NAV2: variants seen among roughly 807,000 people sequenced by gnomAD.
The protein encoded by NAV2 is neuron navigator 2.
NAV2 carries 54 observed loss-of-function variants against 223.2 expected under a neutral mutation model. The observed-to-expected ratio is 0.24, with a 90% CI of 0.19 to 0.30. NAV2 has a LOEUF of 0.30. NAV2 is among the 10% of genes least tolerant of loss of function. The pLI, the probability that NAV2 is intolerant of heterozygous loss-of-function variation, is 1.00. For synonymous variants in NAV2, 1,279 were observed against 1,239.3 expected (o/e 1.03, Z -0.67); for missense variants, 2,806 against 3,147.5 (o/e 0.89, Z 2.60).
intron 1 of NAV2, among the ~76,000 whole-genome samples, chr11:19,549,856 G>A (rs1178286927): frequency 6.6e-6 from 1 of 152,240 alleles, no homozygotes; most frequent in Non-Finnish European, 1.5e-5. Context: ...CGTTAGTCTG[G>A]TAAGAATCTG....
rs111634566 is a variant in NAV2 at position 19,566,776 on chromosome 11, T to C, written c.75+215749T>C. ...GTTGTGAAGATACTTACATATGCTC[T>C]GTCCAGCATCCAGGGAAACTAAGGT... is the stretch of plus-strand genomic sequence containing the variant. On this transcript the variant is annotated intron_variant, in intron 1 of 37. Transcript: ENST00000360655. 2.5e-3 allele frequency among the ~76,000 whole-genome samples: 381 copies of C among 152,330 alleles called. 2 individuals carry two copies. The highest frequency in any genetic ancestry group is 8.9e-3 in the African/African-American group (369 of 41,568).
At chr11:19,629,974 G>A (rs2047298948) in intron 1 of NAV2, among the ~76,000 whole-genome samples, 1 of 152,016 alleles carries the variant, frequency 6.6e-6, no homozygotes, top group South Asian at 2.1e-4. Flanking sequence ...CCAAAATTCT[G>A]TACCCTCTGA....
At chr11:19,724,613 A>G (rs775614483) in intron 1 of NAV2, among the ~76,000 whole-genome samples, 3 of 152,238 alleles carry the variant, frequency 2.0e-5, no homozygotes, top group Non-Finnish European at 2.9e-5. Flanking sequence ...AAGTGTGGCA[A>G]TAGGCCAACA....
rs72906437 is a variant in NAV2, at chr11:20,030,412, G to A, written c.2769-5547G>A. 9.5e-4 allele frequency among the ~76,000 whole-genome samples: 145 copies of A among 152,154 alleles called. No individual in the cohort carries two copies. In the Middle Eastern group the frequency reaches 0.02, roughly 21 times the overall value. On this transcript the variant is annotated intron_variant, in intron 11 of 37. Transcript: ENST00000349880. ...GTTAACTAGGATTTAATATTTAATCGAAGTTTTCCGTTTTTTATCTAGATT... is the reference window on the plus strand; with the variant it reads ...GTTAACTAGGATTTAATATTTAATCAAAGTTTTCCGTTTTTTATCTAGATT...
At chr11:19,879,398 A>G (rs2063055954) in intron 4 of NAV2, among the ~76,000 whole-genome samples, 1 of 152,152 alleles carries the variant, frequency 6.6e-6, no homozygotes, top group African/African-American at 2.4e-5. Context: ...CACGTATTTG[A>G]GAGTAGGACG....
At chr11:20,085,925 G>A (rs2060409868) in intron 26 of NAV2, among the ~76,000 whole-genome samples, 1 of 152,158 alleles carries the variant, frequency 6.6e-6, no homozygotes, top group South Asian at 2.1e-4. Context: ...GAGGAAATGG[G>A]CTTTGGTGAA....
intron 1 of NAV2, among the ~76,000 whole-genome samples, chr11:19,579,710 T>C (rs1166933709): frequency 6.6e-6 from 1 of 152,224 alleles, no homozygotes; most frequent in East Asian, 1.9e-4. Context: ...TAAGTGTACA[T>C]AGTAAGCACC....
At chr11:19,532,874 G>A (rs1025785163) in intron 1 of NAV2, among the ~76,000 whole-genome samples, 1 of 152,178 alleles carries the variant, frequency 6.6e-6, no homozygotes, top group Non-Finnish European at 1.5e-5. Context: ...GAGTGTTCCT[G>A]CAAAAAGGTC....
intron 1 of NAV2, among the ~76,000 whole-genome samples, chr11:19,532,001 A>G (rs376342181): frequency 5.3e-5 from 8 of 152,202 alleles, no homozygotes; most frequent in African/African-American, 1.7e-4. Context: ...GTGATAGAGG[A>G]TAAAGAGAAA....
intron 1 of NAV2, among the ~76,000 whole-genome samples, chr11:19,466,479 G>A (rs541036437): frequency 3.3e-5 from 5 of 152,222 alleles, no homozygotes; most frequent in Non-Finnish European, 7.3e-5. Context: ...AAAGCCAGCT[G>A]CTGCTCAGAG....
chr11:19,520,805 T>C (rs2632059), intron 1 of NAV2, among the ~76,000 whole-genome samples: 62,835 of 152,090 alleles, frequency 0.41, 13,363 homozygotes, highest in African/African-American at 0.49. Context: ...GGTGCTCTGC[T>C]GGTCTCAGTC....
intron 1 of NAV2, among the ~76,000 whole-genome samples, chr11:19,702,875 A>T (rs916805771): frequency 2.3e-4 from 35 of 150,026 alleles, no homozygotes; most frequent in East Asian, 1.2e-3. Flanking sequence ...ATTTATTTGA[A>T]AAAAAAGGAA....
chr11:19,924,295 T>TA (rs76734395), intron 6 of NAV2, among the ~76,000 whole-genome samples: 1,804 of 129,442 alleles, frequency 0.014, 15 homozygotes, highest in Middle Eastern at 0.033. Flanking sequence ...GGTAATTCTT[T>TA]AAAAAAAAAA....
intron 1 of NAV2, among the ~76,000 whole-genome samples, chr11:19,828,606 A>G (rs1378213614): frequency 6.6e-6 from 1 of 152,220 alleles, no homozygotes; most frequent in Non-Finnish European, 1.5e-5. Flanking sequence ...CCCCCACGTC[A>G]GCCTCCTCAG....
At position 19,577,342 on chromosome 11, in the gene NAV2, G is replaced by A. The variant is rs1209412709; in HGVS notation, c.75+226315G>A. On this transcript the variant is annotated intron_variant, in intron 1 of 37. Transcript: ENST00000360655. ...ACCTGTCCTCAGATACCCACCTGGCGAAGGAACCTGTTGGCTCGTGCCCCT... is the reference window on the plus strand; with the variant it reads ...ACCTGTCCTCAGATACCCACCTGGCAAAGGAACCTGTTGGCTCGTGCCCCT... Among the ~76,000 whole-genome samples the A allele has an allele frequency of 3.3e-5, 5 of 152,202 alleles. No homozygotes were observed. In the South Asian group the frequency reaches 6.2e-4, roughly 19 times the overall value.
At chr11:19,449,910 TGGTGAGAACTAACCA>T (rs1851731883) in intron 1 of NAV2, among the ~76,000 whole-genome samples, 2 of 151,914 alleles carry the variant, frequency 1.3e-5, no homozygotes, top group South Asian at 4.2e-4. Flanking sequence ...CATTCGGTTA[TGGTGAGAACTAACCA>T]GACATCCATA....
At chr11:19,737,316 CTA>C (rs2052410046) in intron 1 of NAV2, among the ~76,000 whole-genome samples, 1 of 152,198 alleles carries the variant, frequency 6.6e-6, no homozygotes, top group African/African-American at 2.4e-5. Flanking sequence ...TATACACCGT[CTA>C]TATACCAGTT....
rs755749611 is a variant in NAV2 at position 19,852,405 on chromosome 11, G to A, written c.438+9482G>A. On this transcript the variant is annotated intron_variant, in intron 3 of 37. Transcript: ENST00000349880. ...TGCTGCATCAGTACATTCAGAGCAC[G>A]TCACTGTAGGGAAGCATGTGGAGGA... 3.6e-4 allele frequency among the ~76,000 whole-genome samples: 55 copies of A among 152,184 alleles called. 2 individuals are homozygous for A. Among genetic ancestry groups the A allele is most frequent in the Non-Finnish European group, 2.2e-4 (15 of 68,032 alleles).
intron 1 of NAV2, among the ~76,000 whole-genome samples, chr11:19,589,240 A>T (rs747016570): frequency 1.1e-4 from 17 of 152,174 alleles, no homozygotes; most frequent in Admixed American, 3.3e-4. Context: ...CAAACAAAAA[A>T]CCAACCAACC....
Sources: gnomAD v4.1 joint callset for allele counts (sites outside exome capture counted in the v4.1 genomes callset) on GRCh38, gnomAD v4.1.1 for gene constraint, MANE v1.5 for transcripts, NCBI Gene and HGNC (gene_info 2026-07-23, HGNC 2026-07-21) for gene names.